The following TENM2 variants were observed in gnomAD, a reference collection of about 807,000 sequenced individuals.
The protein encoded by TENM2 is teneurin transmembrane protein 2, also known as teneurin-2.
In TENM2, 52 loss-of-function variants were observed where a neutral mutation model predicts 245.2. The ratio of observed to expected loss-of-function variants is 0.21; its 90% confidence interval spans 0.17 to 0.27. The LOEUF (loss-of-function observed/expected upper bound fraction) is 0.27. TENM2 is among the 10% of genes least tolerant of loss of function. The pLI, the probability that TENM2 is intolerant of heterozygous loss-of-function variation, is 1.00. For missense variants in TENM2, 3,046 were observed against 3,666.8 expected (o/e 0.83, Z 4.37); for synonymous variants, 1,363 against 1,438.9 (o/e 0.95, Z 1.19).
the TENM2 span, among the ~76,000 whole-genome samples, chr5:167,076,612 A>G: frequency 2.6e-5 from 4 of 152,206 alleles, no homozygotes; most frequent in Non-Finnish European, 4.4e-5. Context: ...ATGGTTCATA[A>G]TAGTCGCTAT....
At chr5:167,442,295 C>A (rs748585230) in intron 2 of TENM2, among the ~76,000 whole-genome samples, 2 of 152,090 alleles carry the variant, frequency 1.3e-5, no homozygotes, top group Non-Finnish European at 2.9e-5. Flanking sequence ...ATATTTTATT[C>A]AACCAGTTAC....
chr5:167,266,824 T>C, the TENM2 span, among the ~76,000 whole-genome samples: 1 of 152,306 alleles, frequency 6.6e-6, no homozygotes, highest in South Asian at 2.1e-4. Flanking sequence ...ATAATACAGA[T>C]AAAAGTCACG....
intron 3 of TENM2, among the ~76,000 whole-genome samples, chr5:167,927,293 A>G (rs1777839182): frequency 6.6e-6 from 1 of 152,176 alleles, no homozygotes; most frequent in Non-Finnish European, 1.5e-5. Context: ...ATGTTTTATA[A>G]TTCCAAAGTG....
At chr5:168,000,790 A>G (rs1212296930) in intron 5 of TENM2, among the ~76,000 whole-genome samples, 1 of 152,230 alleles carries the variant, frequency 6.6e-6, no homozygotes, top group Non-Finnish European at 1.5e-5. Context: ...CTGTAATACA[A>G]CACCAATTAT....
chr5:167,132,003 A>C, the TENM2 span, among the ~76,000 whole-genome samples: 1 of 151,912 alleles, frequency 6.6e-6, no homozygotes, highest in African/African-American at 2.4e-5. Context: ...TTGTATTTTT[A>C]GTGGAGACGG....
the TENM2 span, among the ~76,000 whole-genome samples, chr5:167,086,520 A>C: frequency 1.3e-5 from 2 of 152,100 alleles, no homozygotes; most frequent in Admixed American, 1.3e-4. Flanking sequence ...CAATAGCTCC[A>C]TTTCCCCTGA....
intron 2 of TENM2, among the ~76,000 whole-genome samples, chr5:167,774,536 T>C (rs531432815): frequency 1.3e-5 from 2 of 152,108 alleles, no homozygotes; most frequent in South Asian, 4.2e-4. Flanking sequence ...TTAGGGAGAG[T>C]CTTTCTTATA....
chr5:166,989,717 T>C, the TENM2 span, among the ~76,000 whole-genome samples: 2 of 151,556 alleles, frequency 1.3e-5, no homozygotes, highest in African/African-American at 4.9e-5. Flanking sequence ...TTTACCATTA[T>C]TCCTTATATG....
At chr5:167,493,920 C>T (rs530026166) in intron 2 of TENM2, among the ~76,000 whole-genome samples, 5 of 152,020 alleles carry the variant, frequency 3.3e-5, no homozygotes, top group East Asian at 3.9e-4. Context: ...GTAGCATGTG[C>T]GGTCAGGACC....
At chr5:167,224,369 G>A in the TENM2 span, among the ~76,000 whole-genome samples, 2 of 151,956 alleles carry the variant, frequency 1.3e-5, no homozygotes, top group African/African-American at 2.4e-5. Flanking sequence ...TGCTGGACGG[G>A]GTGAGAGATA....
At chr5:167,360,005 A>ACC (rs1413751855) in intron 1 of TENM2, among the ~76,000 whole-genome samples, 3 of 152,152 alleles carry the variant, frequency 2.0e-5, no homozygotes, top group Admixed American at 6.5e-5. Context: ...AACGACAGAC[A>ACC]CTGGGGTCTA....
intron 7 of TENM2, among the ~76,000 whole-genome samples, chr5:168,085,898 C>A (rs1407070511): frequency 6.6e-6 from 1 of 152,250 alleles, no homozygotes; most frequent in Non-Finnish European, 1.5e-5. Context: ...GAATCAACAT[C>A]AGACATCGTC....
the TENM2 span, among the ~76,000 whole-genome samples, chr5:167,012,307 A>C: frequency 6.6e-6 from 1 of 152,180 alleles, no homozygotes. Context: ...GGAACATTTC[A>C]GGCATGCCAT....
At chr5:167,399,127 T>G (rs1439768949) in intron 2 of TENM2, among the ~76,000 whole-genome samples, 1 of 152,158 alleles carries the variant, frequency 6.6e-6, no homozygotes, top group Non-Finnish European at 1.5e-5. Context: ...TTCTGCCTCG[T>G]ATATCAAAAA....
intron 2 of TENM2, among the ~76,000 whole-genome samples, chr5:167,789,792 T>C (rs936889609): frequency 6.6e-6 from 1 of 152,200 alleles, no homozygotes; most frequent in Admixed American, 6.5e-5. Flanking sequence ...TTAATTCAAA[T>C]CCTGGCTCAG....
chr5:167,672,305 A>G (rs1276886256), intron 2 of TENM2, among the ~76,000 whole-genome samples: 2 of 152,144 alleles, frequency 1.3e-5, no homozygotes, highest in African/African-American at 4.8e-5. Context: ...ACACACATAT[A>G]TATACCTTTA....
At chr5:167,754,641 AG>A (rs1456671190) in intron 2 of TENM2, among the ~76,000 whole-genome samples, 1 of 152,122 alleles carries the variant, frequency 6.6e-6, no homozygotes, top group Non-Finnish European at 1.5e-5. Flanking sequence ...AAGTATACAC[AG>A]TGATGTCAGA....
At chr5:167,630,578 A>G (rs1045968847) in intron 2 of TENM2, among the ~76,000 whole-genome samples, 2 of 152,192 alleles carry the variant, frequency 1.3e-5, no homozygotes, top group Admixed American at 1.3e-4. Flanking sequence ...GGGGAGTTAT[A>G]TACACTCCTT....
intron 2 of TENM2, chr5:167,660,038 A>C (rs979536253): frequency 1.3e-4 from 20 of 152,292 alleles, no homozygotes; most frequent in African/African-American, 4.6e-4. Flanking sequence ...ACTCATAAGC[A>C]AAAATTTCTC....
Sources: allele counts gnomAD v4.1 joint callset (sites outside exome capture counted in the v4.1 genomes callset), GRCh38; gene constraint gnomAD v4.1.1; transcripts MANE v1.5; gene names NCBI Gene and HGNC (gene_info 2026-07-23, HGNC 2026-07-21).